TTC28: variants seen among roughly 807,000 people sequenced by gnomAD.
TTC28 encodes tetratricopeptide repeat domain 28, also known as tetratricopeptide repeat protein 28.
In TTC28, 61 loss-of-function variants were observed where a neutral mutation model predicts 198.0. The ratio of observed to expected loss-of-function variants is 0.31; its 90% CI spans 0.25 to 0.38. The LOEUF (loss-of-function observed/expected upper bound fraction) is 0.38, where lower values mean the gene tolerates loss of function less well. TTC28 is among the 10% of genes least tolerant of loss of function. TTC28 has a pLI of 1.00. For missense variants in TTC28, 2,678 were observed against 3,164.0 expected, an observed-to-expected ratio of 0.85 and a Z score of 3.69; for synonymous variants, 1,171 against 1,297.8, an observed-to-expected ratio of 0.90 and a Z score of 2.10.
chr22:28,351,992 T>A (rs1280533005), intron 2 of TTC28, among the ~76,000 whole-genome samples: 1 of 152,176 alleles, frequency 6.6e-6, no homozygotes, highest in East Asian at 1.9e-4. Flanking sequence ...TACTCTGCTG[T>A]GTGTTCGTTT....
At chr22:28,536,343 G>A (rs1419312102) in intron 2 of TTC28, among the ~76,000 whole-genome samples, 1 of 151,808 alleles carries the variant, frequency 6.6e-6, no homozygotes, top group African/African-American at 2.4e-5. Flanking sequence ...ACTTAGAGGC[G>A]GCCGGGCGCG....
At chr22:28,672,226 G>A (rs2051899255) in intron 1 of TTC28, among the ~76,000 whole-genome samples, 2 of 152,024 alleles carry the variant, frequency 1.3e-5, no homozygotes. Context: ...CGCCCAGGCT[G>A]GAGGCCATCT....
At chr22:28,327,768 A>T (rs2045554931) in intron 2 of TTC28, among the ~76,000 whole-genome samples, 1 of 152,180 alleles carries the variant, frequency 6.6e-6, no homozygotes, top group Non-Finnish European at 1.5e-5. Context: ...CCTCTCCTAG[A>T]GCTCTAAAGC....
At chr22:28,215,886 T>G (rs1412422799) in intron 5 of TTC28, among the ~76,000 whole-genome samples, 1 of 152,206 alleles carries the variant, frequency 6.6e-6, no homozygotes, top group African/African-American at 2.4e-5. Context: ...ATGGTTTTCT[T>G]GAAATCAGAG....
chr22:28,597,868 T>G (rs1010229879), intron 2 of TTC28, among the ~76,000 whole-genome samples: 16 of 152,072 alleles, frequency 1.1e-4, no homozygotes, highest in Non-Finnish European at 1.3e-4. Context: ...CATACCTCAC[T>G]GCAGCATTGA....
At chr22:28,387,163 G>A (rs1346503458) in intron 2 of TTC28, among the ~76,000 whole-genome samples, 1 of 152,188 alleles carries the variant, frequency 6.6e-6, no homozygotes, top group Non-Finnish European at 1.5e-5. Context: ...TCCCTACAAA[G>A]GACGTGAACT....
At chr22:28,208,658 A>G (rs1172481219) in intron 5 of TTC28, among the ~76,000 whole-genome samples, 1 of 152,200 alleles carries the variant, frequency 6.6e-6, no homozygotes. Context: ...ATAAATTACT[A>G]TGCTATGAAT....
At chr22:28,098,401 G>A (rs1188394139) in intron 10 of TTC28, among the ~76,000 whole-genome samples, 2 of 152,062 alleles carry the variant, frequency 1.3e-5, no homozygotes, top group African/African-American at 4.8e-5. Context: ...TCTGGCTCCC[G>A]GACCCACCAG....
At chr22:28,280,080 T>C (rs2044554863) in intron 5 of TTC28, among the ~76,000 whole-genome samples, 1 of 152,170 alleles carries the variant, frequency 6.6e-6, no homozygotes, top group African/African-American at 2.4e-5. Flanking sequence ...TGGACACATG[T>C]TTTCAATTCT....
chr22:28,089,536 G>C (rs1349219850), intron 12 of TTC28, among the ~76,000 whole-genome samples: 1 of 150,898 alleles, frequency 6.6e-6, no homozygotes, highest in Non-Finnish European at 1.5e-5. Flanking sequence ...ATGGGGGAGG[G>C]ATAGCATTAG....
chr22:28,121,938 G>A (rs1942797831), intron 6 of TTC28, among the ~76,000 whole-genome samples: 1 of 152,156 alleles, frequency 6.6e-6, no homozygotes, highest in Admixed American at 6.5e-5. Flanking sequence ...CACGATCTTG[G>A]CTCACTGCAA....
intron 2 of TTC28, among the ~76,000 whole-genome samples, chr22:28,322,702 T>C (rs1284128371): frequency 2.6e-5 from 4 of 152,218 alleles, no homozygotes; most frequent in Non-Finnish European, 5.9e-5. Flanking sequence ...ATTTTGCTAA[T>C]ATAACAAATG....
intron 5 of TTC28, among the ~76,000 whole-genome samples, chr22:28,199,074 T>C (rs1258271973): frequency 1.3e-5 from 2 of 152,054 alleles, no homozygotes; most frequent in Admixed American, 1.3e-4. Flanking sequence ...GCAATCCAAA[T>C]CTTTCTTTAA....
Position 28,337,449 on chromosome 22 carries a change from C to A in TTC28, c.382-30806G>T, listed in dbSNP as rs570401080. ...AATGTTGACAGTGGGGTGTTAAAAT[C>A]TCCCATTATTATTGTGTGGGGGTCT... On this transcript the variant is annotated intron_variant, in intron 2 of 22. Coordinates refer to ENST00000397906, the MANE Select transcript of TTC28 (RefSeq NM_001145418.2). 4.6e-5 allele frequency among the ~76,000 whole-genome samples: 7 copies of A among 152,236 alleles called. No homozygotes were observed. In the East Asian group the frequency reaches 1.4e-3, roughly 29 times the overall value.
intron 2 of TTC28, among the ~76,000 whole-genome samples, chr22:28,464,429 A>G (rs1226112720): frequency 6.6e-6 from 1 of 152,222 alleles, no homozygotes; most frequent in Non-Finnish European, 1.5e-5. Context: ...TATCCCCATA[A>G]GACTAGTGAG....
chr22:28,607,103 A>G (rs1016016516), intron 2 of TTC28, among the ~76,000 whole-genome samples: 4 of 152,152 alleles, frequency 2.6e-5, no homozygotes, highest in Non-Finnish European at 4.4e-5. Flanking sequence ...ACAGGCCTTG[A>G]TAAGTTTCTC....
intron 12 of TTC28, among the ~76,000 whole-genome samples, chr22:28,048,796 G>C (rs1489890977): frequency 6.6e-6 from 1 of 151,950 alleles, no homozygotes; most frequent in East Asian, 1.9e-4. Flanking sequence ...CCTTGCAGTG[G>C]GCCACCTCCC....
chr22:28,056,650 TATAA>T (rs1267950326), intron 12 of TTC28, among the ~76,000 whole-genome samples: 4 of 152,210 alleles, frequency 2.6e-5, no homozygotes, highest in African/African-American at 9.6e-5. Context: ...CAATAAAAAA[TATAA>T]ATAACTACAT....
At chr22:28,672,216 C>T (rs577614878) in intron 1 of TTC28, among the ~76,000 whole-genome samples, 6 of 151,996 alleles carry the variant, frequency 3.9e-5, no homozygotes, top group Admixed American at 2.0e-4. Flanking sequence ...CTTACTCTCT[C>T]GCCCAGGCTG....
Sources: gnomAD v4.1 joint callset for allele counts (sites outside exome capture counted in the v4.1 genomes callset) on GRCh38, gnomAD v4.1.1 for gene constraint, MANE v1.5 for transcripts, NCBI Gene and HGNC (gene_info 2026-07-23, HGNC 2026-07-21) for gene names.